CNNM2: variants seen among roughly 807,000 people sequenced by gnomAD.
The protein encoded by CNNM2 is metal transporter CNNM2.
Under a neutral mutation model 66.9 loss-of-function variants are expected in CNNM2, and 12 were observed. The ratio of observed to expected loss-of-function variants is 0.18; its 90% CI spans 0.11 to 0.29. The LOEUF (loss-of-function observed/expected upper bound fraction) is 0.29. Ranked by LOEUF, CNNM2 falls within the 10% of genes least tolerant of loss-of-function variation. The pLI is 1.00. For synonymous variants in CNNM2, 557 were observed against 501.8 expected (o/e 1.11, Z -1.47); for missense variants, 705 against 1,167.7 (o/e 0.60, Z 5.77).
chr10:102,979,428 C>G (rs947064985), intron 1 of CNNM2, among the ~76,000 whole-genome samples: 8 of 152,160 alleles, frequency 5.3e-5, no homozygotes, highest in Admixed American at 4.6e-4. Context: ...GTTATACCAC[C>G]TAGCTATGTT....
intron 1 of CNNM2, among the ~76,000 whole-genome samples, chr10:103,008,583 A>G (rs1424990092): frequency 6.6e-6 from 1 of 152,156 alleles, no homozygotes; most frequent in Non-Finnish European, 1.5e-5. Context: ...ATTTGAGACC[A>G]TCCTGGCCAA....
rs140567738 is a variant in CNNM2 at position 103,032,204 on chromosome 10, C to A, written c.1622-17503C>A. Among the ~76,000 whole-genome samples, 744 of 152,260 alleles carry A rather than the reference C, an allele frequency of 4.9e-3. 1 individual carries two copies. The highest frequency in any genetic ancestry group is 0.017 in the African/African-American group (712 of 41,552). On this transcript the variant is annotated intron_variant, in intron 1 of 7. Transcript: ENST00000369878. Reference sequence around the variant, plus strand: ...GTGACTCATGCCTGTAATCCCAGCACTTTGGGAGGCCGAGGCAGGTGGATC... The same window carrying A: ...GTGACTCATGCCTGTAATCCCAGCAATTTGGGAGGCCGAGGCAGGTGGATC...
At chr10:102,973,644 A>G (rs1180418026) in intron 1 of CNNM2, among the ~76,000 whole-genome samples, 1 of 151,998 alleles carries the variant, frequency 6.6e-6, no homozygotes, top group African/African-American at 2.4e-5. Flanking sequence ...GGCATGAGCC[A>G]CTGTGCCTGG....
intron 1 of CNNM2, among the ~76,000 whole-genome samples, chr10:103,036,361 T>G (rs2064939013): frequency 6.6e-6 from 1 of 152,190 alleles, no homozygotes; most frequent in South Asian, 2.1e-4. Context: ...TCCAACTGAT[T>G]AAGTCAGGTC....
chr10:102,979,128 G>T (rs551797434), intron 1 of CNNM2, among the ~76,000 whole-genome samples: 2 of 152,330 alleles, frequency 1.3e-5, no homozygotes, highest in South Asian at 4.1e-4. Flanking sequence ...ATGTGTTTAT[G>T]TTGGGTATAT....
At chr10:103,018,737 C>T (rs1462976923) in intron 1 of CNNM2, among the ~76,000 whole-genome samples, 1 of 141,304 alleles carries the variant, frequency 7.1e-6, no homozygotes, top group Non-Finnish European at 1.5e-5. Flanking sequence ...GCACTCACTG[C>T]AACCTCCAAC....
Position 102,919,805 on chromosome 10 carries a change from G to A in CNNM2, c.1325G>A (p.Arg442His). 6.2e-7 allele frequency: 1 copy of A among 1,614,204 alleles called. No individual in the cohort carries two copies. The highest frequency in any genetic ancestry group is 2.2e-5 in the East Asian group (1 of 44,890). ...ATCATCCAAGGGGCGCTGGAGCTCC[G>A]CACCAAGACGGTGGAGGACGTGATG... ...LNIIQGALEL[R>H]TKTVEDVMTP... Residue 442 changes from arginine (R) to histidine (H), a missense_variant, in exon 1 of 8, where the codon CGC (arginine) becomes CAC (histidine). Physicochemically the swap from Arg to His is conservative, Grantham distance 29. Around this residue, in one of 9 missense-constraint regions of CNNM2, gnomAD observed 14 missense variants for 68.6 expected, o/e 0.20. Coordinates refer to ENST00000369878, the MANE Select transcript of CNNM2 (RefSeq NM_017649.5).
intron 1 of CNNM2, among the ~76,000 whole-genome samples, chr10:103,045,232 A>G (rs1191877610): frequency 1.3e-5 from 2 of 152,244 alleles, no homozygotes; most frequent in Non-Finnish European, 2.9e-5. Flanking sequence ...TGCAGTGTTT[A>G]TATCCATTGC....
At chr10:102,929,121 G>A (rs993886391) in intron 1 of CNNM2, among the ~76,000 whole-genome samples, 3 of 152,124 alleles carry the variant, frequency 2.0e-5, no homozygotes, top group East Asian at 1.9e-4. Flanking sequence ...TTAGCCGGGC[G>A]TGGTGGCATG....
chr10:103,008,639 C>T (rs1423430484), intron 1 of CNNM2, among the ~76,000 whole-genome samples: 5 of 151,882 alleles, frequency 3.3e-5, no homozygotes, highest in Non-Finnish European at 7.4e-5. Flanking sequence ...ATTAGCCGGG[C>T]GTGGTGGCAC....
At chr10:103,026,675 A>G (rs565243620) in intron 1 of CNNM2, among the ~76,000 whole-genome samples, 14 of 151,524 alleles carry the variant, frequency 9.2e-5, no homozygotes, top group Admixed American at 7.2e-4. Context: ...TACTTAATCC[A>G]GGGGAGTTTA....
At chr10:103,069,845 A>C (rs945590386) in intron 5 of CNNM2, among the ~76,000 whole-genome samples, 5 of 152,232 alleles carry the variant, frequency 3.3e-5, no homozygotes, top group Non-Finnish European at 5.9e-5. Context: ...AGGAAACTTC[A>C]TTTACAAACC....
chr10:103,033,188 T>C (rs896755738), intron 1 of CNNM2, among the ~76,000 whole-genome samples: 1 of 152,000 alleles, frequency 6.6e-6, no homozygotes, highest in Admixed American at 6.5e-5. Context: ...ATTTATTTTA[T>C]TTTTATTTTT....
At chr10:103,030,184 G>A (rs2064797020) in intron 1 of CNNM2, among the ~76,000 whole-genome samples, 1 of 152,150 alleles carries the variant, frequency 6.6e-6, no homozygotes, top group Non-Finnish European at 1.5e-5. Flanking sequence ...GGCTAGAGAA[G>A]GATCCCATCA....
intron 1 of CNNM2, among the ~76,000 whole-genome samples, chr10:103,045,563 A>C (rs1409033585): frequency 6.6e-6 from 1 of 152,090 alleles, no homozygotes; most frequent in Non-Finnish European, 1.5e-5. Context: ...GTGTTAACTA[A>C]ACTTTATTTA....
intron 1 of CNNM2, among the ~76,000 whole-genome samples, chr10:102,951,660 A>G (rs1846839069): frequency 2.0e-5 from 3 of 147,744 alleles, no homozygotes; most frequent in Admixed American, 6.8e-5. Flanking sequence ...TTTTTTACAG[A>G]CAAGGTCTCA....
At chr10:103,057,967 G>A (rs796919337) in intron 4 of CNNM2, among the ~76,000 whole-genome samples, 21 of 152,322 alleles carry the variant, frequency 1.4e-4, no homozygotes, top group African/African-American at 4.6e-4. Context: ...TGGCATGGAG[G>A]CCAAGGTGGA....
At chr10:102,927,946 A>G (rs1293663279) in intron 1 of CNNM2, among the ~76,000 whole-genome samples, 2 of 152,172 alleles carry the variant, frequency 1.3e-5, no homozygotes, top group African/African-American at 4.8e-5. Flanking sequence ...CCTTGCTGTC[A>G]TTCGGAGGTG....
chr10:102,960,979 C>T (rs187926128), intron 1 of CNNM2, among the ~76,000 whole-genome samples: 154 of 151,672 alleles, frequency 1.0e-3, no homozygotes, highest in Non-Finnish European at 1.9e-3. Flanking sequence ...CTCCAACCTC[C>T]GGTTTCTCTT....
Sources: gnomAD v4.1 joint callset for allele counts (sites outside exome capture counted in the v4.1 genomes callset) on GRCh38, gnomAD v4.1.1 for gene constraint, gnomAD v4.1.1 regional missense constraint, MANE v1.5 for transcripts, NCBI Gene and HGNC (gene_info 2026-07-23, HGNC 2026-07-21) for gene names.